The following NOTCH3 variants were observed in gnomAD, a reference collection of about 807,000 sequenced individuals.
The protein encoded by NOTCH3 is notch receptor 3, also known as neurogenic locus notch homolog protein 3.
In NOTCH3, 86 loss-of-function variants were observed where a neutral mutation model predicts 213.3. That is an observed-to-expected ratio of 0.40 (90% CI 0.34 to 0.48). The LOEUF (loss-of-function observed/expected upper bound fraction) is 0.48, where lower values mean the gene tolerates loss of function less well. Among genes scored for constraint, NOTCH3 ranks in the 20% least tolerant of loss-of-function variants. NOTCH3 has a pLI of 0.57. For synonymous variants in NOTCH3, 1,354 were observed against 1,355.9 expected, an observed-to-expected ratio of 1.00 and a Z score of 0.03; for missense variants, 2,783 against 3,272.6, an observed-to-expected ratio of 0.85 and a Z score of 3.65.
intron 29 of NOTCH3, 30 bp from the exon 30 acceptor site, chr19:15,166,121 G>C (rs748939091): frequency 1.0e-5 from 16 of 1,586,268 alleles, no homozygotes; most frequent in Non-Finnish European, 1.4e-5. Context: ...TCAGCAGGAA[G>C]GTAAACACAG....
chr19:15,161,287 G>T lies in NOTCH3; in HGVS notation c.6341C>A (p.Pro2114His). 1 of 1,537,076 alleles carries T rather than the reference G, an allele frequency of 6.5e-7. No individual in the cohort carries two copies. ...GGGGAAGCCACCAGGGGAAGCAGGGGGCCCACCGAAAGGCCGCGGGGAGTC... is the reference window on the plus strand; with the variant it reads ...GGGGAAGCCACCAGGGGAAGCAGGGTGCCCACCGAAAGGCCGCGGGGAGTC... The part of the protein sequence containing the change: ...SLDSPRPFGG[P>H]PASPGGFPLE... The change falls in exon 33 of 33, where the codon CCC (proline) becomes CAC (histidine). Residue 2114 changes from proline to histidine, a missense_variant. Pro to His is a moderately conservative substitution (Grantham distance 77). This residue lies in a region of NOTCH3 where 441 missense variants were observed against 432.1 expected (regional missense o/e 1.02). Coordinates refer to ENST00000263388, the MANE Select transcript of NOTCH3 (RefSeq NM_000435.3).
intron 17 of NOTCH3, 21 bp from the exon 18 acceptor site, chr19:15,181,183 G>A (rs1192900171): frequency 1.9e-6 from 3 of 1,601,328 alleles, no homozygotes; most frequent in East Asian, 2.2e-5. Flanking sequence ...AGGAGTGGGA[G>A]GGAGGATCAG....
At chr19:15,177,441 A>G (rs1475203357) in intron 24 of NOTCH3, 84 bp downstream of exon 24, 4 of 1,249,766 alleles carry the variant, frequency 3.2e-6, no homozygotes, top group Admixed American at 2.0e-5. Context: ...GTGGATGGGC[A>G]GGTGGAAAGA....
rs148492068 is a variant in NOTCH3 at position 15,200,734 on chromosome 19, C to G, written c.118+54G>C. 2.0e-3 allele frequency: 2,403 copies of G among 1,206,424 alleles called. 31 individuals are homozygous for G. In the African/African-American group the frequency reaches 0.033, roughly 16 times the overall value. The allele number at this position is 1,206,424 out of a possible 1,614,324, so 74.7% of individuals were successfully genotyped here. ...CCCGCCAGCCCCGGCCTTGGGGGTTCTTGCACTCCCCCTCTGCCGCCCTCG... is the reference window on the plus strand; with the variant it reads ...CCCGCCAGCCCCGGCCTTGGGGGTTGTTGCACTCCCCCTCTGCCGCCCTCG... On this transcript the variant is annotated intron_variant, in intron 1 of 32. Transcript: ENST00000263388.
chr19:15,199,816 C>A (rs549204180), intron 1 of NOTCH3, among the ~76,000 whole-genome samples: 1 of 152,130 alleles, frequency 6.6e-6, no homozygotes, highest in East Asian at 1.9e-4. Flanking sequence ...CCCCGCCCAG[C>A]GCCAAGCCCC....
In NOTCH3 at chr19:15,162,483, C is replaced by A. The variant is rs140567100; in HGVS notation, c.5895G>T (p.Lys1965Asn). 1 of 1,613,668 alleles carries A rather than the reference C, an allele frequency of 6.2e-7. No individual in the cohort carries two copies. The highest frequency in any genetic ancestry group is 8.5e-7 in the Non-Finnish European group (1 of 1,179,958). The change falls in exon 32 of 33, where the codon AAG becomes AAT. Residue 1965 changes from lysine to asparagine, a missense_variant. Transcript: ENST00000263388. ...TLALLKNGAN[K>N]DMQDSKEETP... The stretch of plus-strand genomic sequence containing the variant: ...GGCTCACCTTGCTATCCTGCATGTC[C>A]TTATTGGCTCCATTTTTGAGCAGGG...
Position 15,188,336 on chromosome 19 carries a change from G to T in NOTCH3, c.1391C>A (p.Thr464Asn). 1 of 1,603,316 alleles carries T rather than the reference G, an allele frequency of 6.2e-7. No homozygotes were observed. Among genetic ancestry groups the T allele is most frequent in the Non-Finnish European group, 8.5e-7 (1 of 1,174,134 alleles). The change falls in exon 9 of 33, where the codon ACC (threonine) becomes AAC (asparagine). Residue 464 changes from threonine (T) to asparagine (N), a missense_variant. This residue lies in a region of NOTCH3 where 708 missense variants were observed against 906.6 expected (regional missense o/e 0.78). Transcript: ENST00000263388. ...CTCGTCAATGTCCACCTCGCAATAGGTTCCTGTGAAGCCTGGGGCAGGGAA... is the reference window on the plus strand; with the variant it reads ...CTCGTCAATGTCCACCTCGCAATAGTTTCCTGTGAAGCCTGGGGCAGGGAA... ...TCICMAGFTG[T>N]YCEVDIDECQ...
rs754373408 is a variant in NOTCH3 at position 15,189,213 on chromosome 19, C to T, written c.1193-39G>A. The T allele has an allele frequency of 2.5e-6, 4 of 1,613,240 alleles. No homozygotes were observed. In the South Asian group the frequency reaches 4.4e-5, roughly 18 times the overall value. ...TGCGATCGGTGTGGGCGTGGCTGGCCGGGACCCCCTCCTCTCCCCTCTTTC... is the reference window on the plus strand; with the variant it reads ...TGCGATCGGTGTGGGCGTGGCTGGCTGGGACCCCCTCCTCTCCCCTCTTTC... On this transcript the variant is annotated intron_variant, in intron 7 of 32. Transcript: ENST00000263388.
intron 2 of NOTCH3, 51 bp downstream of exon 2, chr19:15,197,441 GCCCCTCCC>G: frequency 1.3e-6 from 1 of 768,364 alleles, no homozygotes; most frequent in Non-Finnish European, 2.3e-6. Context: ...AAGACAAATC[GCCCCTCCC>G]CCCCGCCCCC....
At position 15,162,572 on chromosome 19, in the gene NOTCH3, G is replaced by T. The variant is rs780082829; in HGVS notation, c.5816-10C>A. 42 of 1,609,404 alleles carry T rather than the reference G, an allele frequency of 2.6e-5. No individual in the cohort carries two copies. In the South Asian group the frequency reaches 4.6e-4, roughly 18 times the overall value. ...TGTAAGGCTGATTTCCCTGGAGGAT[G>T]AAGGGGAGAGAGGTCAGGACCAGGC... On this transcript the variant is annotated splice_polypyrimidine_tract_variant and intron_variant, in intron 31 of 32. Coordinates refer to ENST00000263388, the MANE Select transcript of NOTCH3 (RefSeq NM_000435.3).
At position 15,188,459 on chromosome 19, in the gene NOTCH3, G is replaced by A. The variant is rs776583352; in HGVS notation, c.1379-111C>T. The stretch of plus-strand genomic sequence containing the variant: ...TCATCGACAAATCCCCCGAGCCTTC[G>A]TCCCCACCTCTACACTCCCAGCCCA... On this transcript the variant is annotated intron_variant, in intron 8 of 32. Transcript: ENST00000263388. 8 of 752,200 alleles carry A rather than the reference G, an allele frequency of 1.1e-5. No individual in the cohort carries two copies. The East Asian group carries it at 1.3e-4, about 13-fold the overall frequency. 46.6% of individuals were successfully genotyped at this position (752,200 alleles called of 1,614,324 possible). A position where few individuals can be genotyped will look rare whatever the true frequency, so the allele number is the denominator to read the frequency against.
chr19:15,178,364 C>A (rs1170052630), intron 23 of NOTCH3: 2 of 489,734 alleles, frequency 4.1e-6, no homozygotes, highest in Non-Finnish European at 7.3e-6. Flanking sequence ...TCCCTTCAAA[C>A]CTCCAGGAAA....
chr19:15,180,567 C>A (rs1182514754), intron 19 of NOTCH3, 114 bp downstream of exon 19: 5 of 1,257,926 alleles, frequency 4.0e-6, no homozygotes, highest in African/African-American at 1.5e-5. Flanking sequence ...CAGCCACACA[C>A]CCCATCATGC....
intron 6 of NOTCH3, among the ~76,000 whole-genome samples, chr19:15,190,111 A>AG (rs2046916104): frequency 7.8e-6 from 1 of 128,184 alleles, no homozygotes; most frequent in African/African-American, 4.6e-5. Context: ...CCGTCTCTAC[A>AG]AAAAATACAA....
chr19:15,173,441 AAG>A (rs1555726677), intron 25 of NOTCH3, among the ~76,000 whole-genome samples: 2 of 143,518 alleles, frequency 1.4e-5, no homozygotes, highest in Non-Finnish European at 3.0e-5. Flanking sequence ...AAAAAAAAAA[AAG>A]AGAGAGAGAG....
In NOTCH3 at chr19:15,165,554, A is replaced by G. The variant is rs1479480114; in HGVS notation, c.5668-39T>C. On this transcript the variant is annotated intron_variant, in intron 30 of 32. Coordinates refer to ENST00000263388, the MANE Select transcript of NOTCH3 (RefSeq NM_000435.3). The surrounding 1 kb of genome is among the most constrained non-coding windows in gnomAD (Gnocchi z 4.7). ...TGGATGCAGCAGGAGGGGTCATGGC[A>G]GGAACAGAGGAATCAGGAGCACCCC... 1.2e-6 allele frequency: 2 copies of G among 1,603,922 alleles called. No individual in the cohort carries two copies. Among genetic ancestry groups the G allele is most frequent in the Admixed American group, 1.7e-5 (1 of 59,810 alleles).
intron 1 of NOTCH3, among the ~76,000 whole-genome samples, 155 bp from the exon 2 acceptor site, chr19:15,197,733 C>G (rs1370991271): frequency 6.2e-5 from 2 of 32,184 alleles, no homozygotes; most frequent in African/African-American, 1.8e-4. Context: ...ACAGTTCCCA[C>G]GCCCCCCCCC....
At chr19:15,172,116 G>A (rs964397554) in intron 25 of NOTCH3, among the ~76,000 whole-genome samples, 2 of 151,986 alleles carry the variant, frequency 1.3e-5, no homozygotes, top group Admixed American at 1.3e-4. Context: ...GGCTGGTCTT[G>A]AACTCCCGAC....
Position 15,189,355 on chromosome 19 carries a change from C to G in NOTCH3, c.1110G>C (p.Pro370=). The G allele has an allele frequency of 6.2e-7, 1 of 1,613,994 alleles. No individual in the cohort carries two copies. The highest frequency in any genetic ancestry group is 8.5e-7 in the Non-Finnish European group (1 of 1,180,034). The change falls in exon 7 of 33, where the codon CCG becomes CCC. Residue 370 remains proline, a synonymous_variant. Transcript: ENST00000263388. ...CHEDAICDTN[P]VNGRAICTCP... is the part of the protein sequence containing the mutation. ...AGGTGCAAATGGCCCGGCCGTTCAC[C>G]GGATTTGTGTCACAGATAGCATCCT... is the stretch of plus-strand genomic sequence containing the variant.
Sources: allele counts gnomAD v4.1 joint callset (sites outside exome capture counted in the v4.1 genomes callset), GRCh38; gene constraint gnomAD v4.1.1; regional missense constraint gnomAD v4.1.1; non-coding constraint Gnocchi (gnomAD v3.1); transcripts MANE v1.5; gene names NCBI Gene and HGNC (gene_info 2026-07-23, HGNC 2026-07-21).